The following CTNNA2 variants were observed in gnomAD, a reference collection of about 807,000 sequenced individuals.
CTNNA2 encodes the protein catenin alpha-2.
In CTNNA2, 42 loss-of-function variants were observed where a neutral mutation model predicts 101.0. The ratio of observed to expected loss-of-function variants is 0.42; its 90% CI spans 0.32 to 0.54. The LOEUF (loss-of-function observed/expected upper bound fraction) is 0.54. CTNNA2 is among the 20% of genes least tolerant of loss of function. CTNNA2 has a pLI of 0.14. For missense variants in CTNNA2, 871 were observed against 1,223.1 expected, an observed-to-expected ratio of 0.71 and a Z score of 4.29; for synonymous variants, 450 against 456.4, an observed-to-expected ratio of 0.99 and a Z score of 0.18.
chr2:80,275,506 C>T (rs1007067680), intron 7 of CTNNA2, among the ~76,000 whole-genome samples: 1 of 151,916 alleles, frequency 6.6e-6, no homozygotes, highest in African/African-American at 2.4e-5. Flanking sequence ...CAGGAAAGAG[C>T]CTTTGAGATA....
intron 2 of CTNNA2, among the ~76,000 whole-genome samples, chr2:79,656,512 T>C (rs559087193): frequency 6.6e-6 from 1 of 152,224 alleles, no homozygotes; most frequent in Non-Finnish European, 1.5e-5. Context: ...TCTTTCACTG[T>C]CATGAGAAAA....
rs1221321835 is a variant in CTNNA2, at chr2:79,280,663, A to AAGAG, written c.-405-32028_-405-32025dup. On this transcript the variant is annotated intron_variant, in intron 2 of 21. Coordinates refer to the CTNNA2 transcript ENST00000466387. Reference sequence around the variant, plus strand: ...TGTGTGTGTGTGTGTGTGTAAGAGAAAGAGAGAGAGAGAGAGAGAGAAAGA... The same window carrying AAGAG: ...TGTGTGTGTGTGTGTGTGTAAGAGAAAGAGAGAGAGAGAGAGAGAGAGAGAAAGA... 8.3e-4 allele frequency among the ~76,000 whole-genome samples: 41 copies of AAGAG among 49,346 alleles called. 1 individual carries two copies. Among genetic ancestry groups the AAGAG allele is most frequent in the Non-Finnish European group, 1.3e-3 (34 of 26,148 alleles). 32.4% of individuals were successfully genotyped at this position (49,346 alleles called of 152,430 possible). A position where few individuals can be genotyped will look rare whatever the true frequency, so the allele number is the denominator to read the frequency against.
intron 9 of CTNNA2, among the ~76,000 whole-genome samples, chr2:80,433,903 G>T (rs569458692): frequency 5.3e-5 from 8 of 152,268 alleles, no homozygotes; most frequent in African/African-American, 1.9e-4. Context: ...AATTCTCTTG[G>T]TTTGATTTTT....
intron 1 of CTNNA2, among the ~76,000 whole-genome samples, chr2:79,551,271 T>A (rs1021889924): frequency 6.6e-6 from 1 of 152,024 alleles, no homozygotes; most frequent in Non-Finnish European, 1.5e-5. Flanking sequence ...CCTCAGTATT[T>A]AAAGGGGAAA....
At position 80,303,941 on chromosome 2, in the gene CTNNA2, A is replaced by G; in HGVS notation, c.1057-89270A>G. 8.5e-7 allele frequency: 1 copy of G among 1,183,272 alleles called. No homozygotes were observed. The highest frequency in any genetic ancestry group is 1.1e-6 in the Non-Finnish European group (1 of 879,054). 73.3% of individuals were successfully genotyped at this position (1,183,272 alleles called of 1,614,324 possible). A position where few individuals can be genotyped will look rare whatever the true frequency, so the allele number is the denominator to read the frequency against. ...GAGGGGGAGAAAAGGGCAAAAAATC[A>G]AATAAATACATAGAAATAAAGAAGG... On this transcript the variant is annotated intron_variant, in intron 7 of 18. Coordinates refer to ENST00000402739, the MANE Select transcript of CTNNA2 (RefSeq NM_001282597.3). The surrounding 1 kb of genome is among the most constrained non-coding windows in gnomAD (Gnocchi z 7.7).
At chr2:80,463,872 A>C (rs1000888891) in intron 9 of CTNNA2, among the ~76,000 whole-genome samples, 1 of 152,100 alleles carries the variant, frequency 6.6e-6, no homozygotes, top group African/African-American at 2.4e-5. Flanking sequence ...TCATTGTTTT[A>C]CCCACTGTCT....
chr2:80,043,858 T>A (rs1696345051), intron 7 of CTNNA2, among the ~76,000 whole-genome samples: 1 of 152,202 alleles, frequency 6.6e-6, no homozygotes. Flanking sequence ...CAAAGCACTT[T>A]TATTAAGTGC....
chr2:80,502,833 G>C (rs1433116885), intron 9 of CTNNA2, among the ~76,000 whole-genome samples: 1 of 152,126 alleles, frequency 6.6e-6, no homozygotes. Context: ...CCTTCTTCCC[G>C]AGTCATTCAT....
At chr2:80,584,182 C>G (rs1184598415) in intron 14 of CTNNA2, among the ~76,000 whole-genome samples, 1 of 152,104 alleles carries the variant, frequency 6.6e-6, no homozygotes, top group Non-Finnish European at 1.5e-5. Context: ...TTGTCTTTGA[C>G]AGAGGCATTT....
intron 7 of CTNNA2, among the ~76,000 whole-genome samples, chr2:79,985,420 G>A (rs1287940279): frequency 6.6e-6 from 1 of 151,264 alleles, no homozygotes; most frequent in Non-Finnish European, 1.5e-5. Context: ...TTTTCCTTAT[G>A]TGTGCAAACT....
At chr2:80,259,246 A>G (rs1401932012) in intron 7 of CTNNA2, among the ~76,000 whole-genome samples, 1 of 152,148 alleles carries the variant, frequency 6.6e-6, no homozygotes, top group African/African-American at 2.4e-5. Context: ...CTCAGACATG[A>G]TCCCTAACAT....
chr2:80,398,669 A>G (rs1678264095), intron 8 of CTNNA2, among the ~76,000 whole-genome samples: 1 of 149,906 alleles, frequency 6.7e-6, no homozygotes, highest in Admixed American at 6.6e-5. Context: ...AGCCTGACCA[A>G]CATGGTGAAA....
chr2:80,339,443 TAAAAGAA>T (rs1377856864), intron 7 of CTNNA2, among the ~76,000 whole-genome samples: 1 of 152,054 alleles, frequency 6.6e-6, no homozygotes, highest in Non-Finnish European at 1.5e-5. Flanking sequence ...AACTCAATGT[TAAAAGAA>T]AAAAATAGAA....
At chr2:79,909,539 A>G (rs1432157093) in intron 6 of CTNNA2, 55 bp from the exon 7 acceptor site, 3 of 1,462,358 alleles carry the variant, frequency 2.1e-6, no homozygotes, top group African/African-American at 1.4e-5. Flanking sequence ...ACAGGGTGCC[A>G]AGGCAGACCT....
chr2:80,076,367 T>A (rs1269452986), intron 7 of CTNNA2, among the ~76,000 whole-genome samples: 1 of 151,970 alleles, frequency 6.6e-6, no homozygotes, highest in African/African-American at 2.4e-5. Context: ...TAGTCTTGAT[T>A]GCCTGGGCTC....
At chr2:79,575,931 T>C (rs1332876935) in intron 1 of CTNNA2, among the ~76,000 whole-genome samples, 1 of 152,174 alleles carries the variant, frequency 6.6e-6, no homozygotes, top group African/African-American at 2.4e-5. Context: ...AGACAGATAA[T>C]CTTAACTATC....
chr2:79,306,058 A>T, intron 2 of CTNNA2, among the ~76,000 whole-genome samples: 1 of 152,030 alleles, frequency 6.6e-6, no homozygotes, highest in Non-Finnish European at 1.5e-5. Context: ...AAAAAAAAAA[A>T]AAAAGGCAAT....
intron 7 of CTNNA2, among the ~76,000 whole-genome samples, chr2:79,928,828 A>T (rs796892922): frequency 2.0e-5 from 3 of 152,320 alleles, no homozygotes; most frequent in African/African-American, 7.2e-5. Context: ...TAGTCCAACC[A>T]TTCCTGAAAC....
At chr2:79,756,601 G>A (rs1335663704) in intron 3 of CTNNA2, among the ~76,000 whole-genome samples, 2 of 151,970 alleles carry the variant, frequency 1.3e-5, no homozygotes, top group African/African-American at 2.4e-5. Context: ...AGAAACTTTG[G>A]CACTGAGAAA....
Sources: gnomAD v4.1 joint callset for allele counts (sites outside exome capture counted in the v4.1 genomes callset) on GRCh38, gnomAD v4.1.1 for gene constraint, Gnocchi (gnomAD v3.1) non-coding constraint, MANE v1.5 for transcripts, NCBI Gene and HGNC (gene_info 2026-07-23, HGNC 2026-07-21) for gene names.